Variants in GON4L observed in about 807,000 individuals in gnomAD.
The protein encoded by GON4L is GON-4-like protein.
GON4L carries 87 observed loss-of-function variants against 211.8 expected under a neutral mutation model. The observed-to-expected ratio is 0.41, with a 90% CI of 0.35 to 0.49. The LOEUF (loss-of-function observed/expected upper bound fraction) is 0.49. GON4L is among the 20% of genes least tolerant of loss of function. GON4L has a pLI of 0.15. For missense variants in GON4L, 2,155 were observed against 2,659.5 expected (o/e 0.81, Z 4.17); for synonymous variants, 875 against 962.6 (o/e 0.91, Z 1.68).
intron 12 of GON4L, among the ~76,000 whole-genome samples, chr1:155,794,191 C>T (rs999209165): frequency 9.2e-5 from 14 of 152,058 alleles, no homozygotes; most frequent in South Asian, 2.1e-4. Flanking sequence ...TCTGCCTCAG[C>T]CTCCGGAGTA....
Position 155,776,437 on chromosome 1 carries a change from G to A in GON4L, c.2136C>T (p.Asn712=). The A allele has an allele frequency of 1.2e-6, 2 of 1,613,594 alleles. No homozygotes were observed. The highest frequency in any genetic ancestry group is 1.7e-6 in the Non-Finnish European group (2 of 1,179,500). The change falls in exon 16 of 32, where the codon AAC becomes AAT. Residue 712 remains asparagine, a synonymous_variant. Transcript: ENST00000368331. ...TAGTGGCCTCCGGATTGAGGTTGGG[G>A]TTGCAGGTGGCAAGAAGGTGGATTT... ...LTQIHLLATC[N]PNLNPEATTT...
rs1670805031 is a variant in GON4L at position 155,841,954 on chromosome 1, G to C, written c.505+11322C>G. On this transcript the variant is annotated intron_variant, in intron 2 of 31. Transcript: ENST00000368331. ...GAGGCAGGAGAATCACTTGAACCTG[G>C]AAGGCGGCTGTTGCAGTGAGCTGAG... is the stretch of plus-strand genomic sequence containing the variant. Among the ~76,000 whole-genome samples the C allele has an allele frequency of 2.0e-5, 3 of 152,256 alleles. No homozygotes were observed. In the South Asian group the frequency reaches 6.2e-4, roughly 32 times the overall value.
intron 3 of GON4L, among the ~76,000 whole-genome samples, chr1:155,822,824 C>T (rs993471503): frequency 2.6e-5 from 4 of 152,142 alleles, no homozygotes; most frequent in Admixed American, 6.6e-5. Flanking sequence ...ACGGAGTTTT[C>T]GCTCTTTGTT....
intron 16 of GON4L, 133 bp from the exon 17 acceptor site, chr1:155,775,306 C>T: frequency 8.7e-7 from 1 of 1,154,736 alleles, no homozygotes. Context: ...TAAAGTCTTT[C>T]ACAATAAACT....
chr1:155,836,319 G>A (rs1400545843), intron 2 of GON4L, among the ~76,000 whole-genome samples: 2 of 144,836 alleles, frequency 1.4e-5, no homozygotes, highest in Non-Finnish European at 3.0e-5. Context: ...GCACAATCTC[G>A]GCTCACTGCA....
chr1:155,779,124 G>C (rs1664138630), intron 14 of GON4L, among the ~76,000 whole-genome samples: 1 of 151,288 alleles, frequency 6.6e-6, no homozygotes, highest in Non-Finnish European at 1.5e-5. Context: ...CGCAGTCGTG[G>C]GGGCCTGTAG....
intron 2 of GON4L, among the ~76,000 whole-genome samples, chr1:155,843,935 T>C (rs901033913): frequency 6.6e-6 from 1 of 152,196 alleles, no homozygotes; most frequent in Non-Finnish European, 1.5e-5. Flanking sequence ...CCCAACCCTG[T>C]AGGGAACCAT....
At chr1:155,801,643 G>A (rs1233890155) in intron 11 of GON4L, among the ~76,000 whole-genome samples, 1 of 152,062 alleles carries the variant, frequency 6.6e-6, no homozygotes, top group Non-Finnish European at 1.5e-5. Context: ...AGCATTTTGG[G>A]AGGCCAAGGA....
chr1:155,823,101 G>T (rs1283062082), intron 3 of GON4L, among the ~76,000 whole-genome samples: 1 of 151,860 alleles, frequency 6.6e-6, no homozygotes, highest in Non-Finnish European at 1.5e-5. Context: ...GGCTAATTTT[G>T]TATTTTTAGT....
chr1:155,853,793 A>G lies in GON4L; in HGVS notation c.-13T>C. 1.2e-6 allele frequency: 2 copies of G among 1,610,028 alleles called. No individual in the cohort carries two copies. Among genetic ancestry groups the G allele is most frequent in the Non-Finnish European group, 8.5e-7 (1 of 1,176,354 alleles). On this transcript the variant is annotated 5_prime_UTR_variant, in exon 2 of 32. Coordinates refer to ENST00000368331, the MANE Select transcript of GON4L (RefSeq NM_001282860.2). ...TACAGGGCAACATTTTAAAAGTCCC[A>G]CTTTTGTTCCATTCTGAAAGAATAA...
chr1:155,801,112 C>CAAAAA (rs367752032), intron 11 of GON4L, among the ~76,000 whole-genome samples: 13 of 73,610 alleles, frequency 1.8e-4, no homozygotes, highest in African/African-American at 3.1e-4. Context: ...TGCTGCTGCT[C>CAAAAA]AAAAAAAAAA....
In GON4L at chr1:155,813,913, T is replaced by C. The variant is rs998574031; in HGVS notation, c.1282-109A>G. The C allele has an allele frequency of 4.0e-5, 33 of 824,382 alleles. No homozygotes were observed. In the East Asian group the frequency reaches 7.4e-4, roughly 18 times the overall value. The allele number at this position is 824,382 out of a possible 1,614,324, so 51.1% of individuals were successfully genotyped here. The stretch of plus-strand genomic sequence containing the variant: ...AAAGAGGCAGACTTTCCATACACCA[T>C]TGTCCTTTCTCTTCTCTAGTTAGAG... On this transcript the variant is annotated intron_variant, in intron 9 of 31. Coordinates refer to ENST00000368331, the MANE Select transcript of GON4L (RefSeq NM_001282860.2).
intron 6 of GON4L, among the ~76,000 whole-genome samples, chr1:155,817,376 C>A (rs766853151): frequency 6.6e-6 from 1 of 152,036 alleles, no homozygotes; most frequent in Non-Finnish European, 1.5e-5. Flanking sequence ...TAATTGTAAC[C>A]CAACCAAAAG....
At chr1:155,807,535 T>G (rs2102107033) in intron 10 of GON4L, among the ~76,000 whole-genome samples, 1 of 151,704 alleles carries the variant, frequency 6.6e-6, no homozygotes, top group African/African-American at 2.4e-5. Context: ...AAACCCCGTC[T>G]CTATAAAAAA....
chr1:155,765,326 TCTC>T lies in GON4L; in HGVS notation c.4144_4146del (p.Glu1382del), dbSNP rs1411748921. 2.5e-6 allele frequency: 4 copies of T among 1,614,184 alleles called. 1 individual carries two copies. The Admixed American group carries it at 6.7e-5, about 27-fold the overall frequency. ...GAAGGGGTTTTAGTTGGCTGACTCC[TCTC>T]CTCTTCCTTCTGTAAGACTGTCTGT... On this transcript the variant is annotated inframe_deletion, in exon 21 of 32. Transcript: ENST00000368331.
chr1:155,765,145 C>T lies in GON4L; in HGVS notation c.4328G>A (p.Gly1443Glu). ...DSSSVDGQSV[G>E]TPVGPETGGE... ...TCCAGTTTCTGGCCCAACTGGAGTC[C>T]CCACTGACTGACCATCAACACTGGA... Residue 1443 changes from glycine to glutamate, a missense_variant, in exon 21 of 32, where the codon GGG becomes GAG. By Grantham distance (98) the Gly-to-Glu change is moderately conservative. Coordinates refer to ENST00000368331, the MANE Select transcript of GON4L (RefSeq NM_001282860.2). The T allele has an allele frequency of 6.2e-7, 1 of 1,614,116 alleles. No homozygotes were observed. Among genetic ancestry groups the T allele is most frequent in the East Asian group, 2.2e-5 (1 of 44,892 alleles).
At chr1:155,750,791 T>C (rs1036290440) in intron 31 of GON4L, 58 bp from the exon 32 acceptor site, 1 of 1,505,782 alleles carries the variant, frequency 6.6e-7, no homozygotes, top group African/African-American at 1.5e-5. Context: ...TGAGACGGAG[T>C]CTCTCTCTGT....
chr1:155,774,939 G>A (rs1228606877), intron 17 of GON4L, 63 bp downstream of exon 17: 12 of 1,602,520 alleles, frequency 7.5e-6, no homozygotes, highest in Non-Finnish European at 1.0e-5. Flanking sequence ...TTATCTATGG[G>A]ATAAGATTCC....
At chr1:155,820,760 G>A in intron 5 of GON4L, 104 bp from the exon 6 acceptor site, 1 of 826,062 alleles carries the variant, frequency 1.2e-6, no homozygotes, top group Non-Finnish European at 2.1e-6. Context: ...GTGGGAGGAT[G>A]GCTTGAGGCA....
Sources: allele counts gnomAD v4.1 joint callset (sites outside exome capture counted in the v4.1 genomes callset), GRCh38; gene constraint gnomAD v4.1.1; transcripts MANE v1.5; gene names NCBI Gene and HGNC (gene_info 2026-07-23, HGNC 2026-07-21).